The following NRBP1 variants were observed in gnomAD, a reference collection of about 807,000 sequenced individuals.
NRBP1 encodes nuclear receptor binding protein 1.
A neutral mutation model predicts 76.0 loss-of-function variants in NRBP1; 10 were observed. That is an observed-to-expected ratio of 0.13 (90% CI 0.08 to 0.22). The LOEUF (loss-of-function observed/expected upper bound fraction) is 0.22. Ranked by LOEUF, NRBP1 falls within the 10% of genes least tolerant of loss-of-function variation. The pLI, the probability that NRBP1 is intolerant of heterozygous loss-of-function variation, is 1.00. For synonymous variants in NRBP1, 235 were observed against 240.2 expected, an observed-to-expected ratio of 0.98 and a Z score of 0.20; for missense variants, 344 against 646.0, an observed-to-expected ratio of 0.53 and a Z score of 5.07.
chr2:27,433,492 A>T lies in NRBP1; in HGVS notation c.210+9A>T. On this transcript the variant is annotated intron_variant, in intron 2 of 17. Coordinates refer to ENST00000379852, the MANE Select transcript of NRBP1 (RefSeq NM_013392.4). Reference sequence around the variant, plus strand: ...AGAAGAGGCGAGAAGAGGTAAGGTTATGGTACAGTTACTCTTGGGTGAGTG... The same window carrying T: ...AGAAGAGGCGAGAAGAGGTAAGGTTTTGGTACAGTTACTCTTGGGTGAGTG... 3 of 1,613,600 alleles carry T rather than the reference A, an allele frequency of 1.9e-6. No homozygotes were observed. Among genetic ancestry groups the T allele is most frequent in the Non-Finnish European group, 2.5e-6 (3 of 1,179,764 alleles).
rs540414465 is a variant in NRBP1, at chr2:27,433,248, G to C, written c.-20-6G>C. 3 of 1,597,752 alleles carry C rather than the reference G, an allele frequency of 1.9e-6. No individual in the cohort carries two copies. The highest frequency in any genetic ancestry group is 1.1e-5 in the South Asian group (1 of 90,708). The stretch of plus-strand genomic sequence containing the variant: ...TTTCCCTCTGTATTTGCCCCAACCA[G>C]TGCAGGCCTGAGTGTTCCTTCCAGC... On this transcript the variant is annotated splice_region_variant and splice_polypyrimidine_tract_variant and intron_variant, in intron 1 of 17. Transcript: ENST00000379852.
chr2:27,428,432 G>C (rs1451376828), upstream of NRBP1: 9 of 384,524 alleles, frequency 2.3e-5, no homozygotes, highest in Non-Finnish European at 3.2e-5. Flanking sequence ...ACGAGCCCCA[G>C]CTGGGACCGA....
chr2:27,433,341 C>T lies in NRBP1; in HGVS notation c.68C>T (p.Ser23Leu), dbSNP rs529123835. The change falls in exon 2 of 18, where the codon TCA (serine) becomes TTA (leucine). Residue 23 changes from serine to leucine, a missense_variant. By Grantham distance (145) the Ser-to-Leu change is moderately radical. Around this residue, in one of 3 missense-constraint regions of NRBP1, gnomAD observed 53 missense variants for 48.4 expected, o/e 1.09. Transcript: ENST00000379852. ...GSDPKVESSS[S>L]APGLTSVSPP... ...GACCCAAAGGTAGAATCCTCATCTT[C>T]AGCTCCTGGCCTGACATCAGTGTCA... 5 of 1,614,264 alleles carry T rather than the reference C, an allele frequency of 3.1e-6. No homozygotes were observed. Among genetic ancestry groups the T allele is most frequent in the East Asian group, 2.2e-5 (1 of 44,892 alleles).
chr2:27,440,874 A>T lies in NRBP1; in HGVS notation c.1263A>T (p.Thr421=). 3 of 1,614,098 alleles carry T rather than the reference A, an allele frequency of 1.9e-6. No homozygotes were observed. Among genetic ancestry groups the T allele is most frequent in the Non-Finnish European group, 2.5e-6 (3 of 1,180,034 alleles). Residue 421 remains threonine, a synonymous_variant, in exon 14 of 18, where the codon ACA becomes ACT. Transcript: ENST00000379852. ...RPQQPQQEEV[T]SPVVPPSVKT... is the part of the protein sequence containing the mutation. ...AGCAGCCACAGCAGGAGGAGGTGAC[A>T]TCACCTGTCGTGCCCCCCTCTGTCA... is the stretch of plus-strand genomic sequence containing the variant.
At position 27,436,805 on chromosome 2, in the gene NRBP1, G is replaced by A. The variant is rs892285147; in HGVS notation, c.714G>A (p.Lys238=). 4 of 1,613,196 alleles carry A rather than the reference G, an allele frequency of 2.5e-6. No homozygotes were observed. The African/African-American group carries it at 4.0e-5, about 16-fold the overall frequency. ...TGAAGACTTGTCGAGAAGAGCAGAA[G>A]AATCTACACTTCTTTGCACCAGAGT... ...NHVKTCREEQ[K]NLHFFAPEYG... Residue 238 remains lysine (K), a synonymous_variant, in exon 8 of 18, where the codon AAG becomes AAA. Transcript: ENST00000379852.
intron 10 of NRBP1, among the ~76,000 whole-genome samples, chr2:27,438,864 T>C (rs895097925): frequency 1.3e-5 from 2 of 151,928 alleles, no homozygotes; most frequent in African/African-American, 4.8e-5. Context: ...GAAGCTGAAG[T>C]GGGAGGATTG....
At chr2:27,433,967 C>G in intron 3 of NRBP1, 22 bp from the exon 4 acceptor site, 1 of 1,604,892 alleles carries the variant, frequency 6.2e-7, no homozygotes. Context: ...CTCTGTTATT[C>G]CACTGTCTCC....
chr2:27,433,575 C>T, intron 2 of NRBP1, 92 bp downstream of exon 2: 5 of 1,597,806 alleles, frequency 3.1e-6, no homozygotes, highest in Non-Finnish European at 4.3e-6. Context: ...AACCAAACTT[C>T]AATAGGTTGG....
chr2:27,439,730 CA>C (rs760321616), intron 10 of NRBP1, 35 bp from the exon 11 acceptor site: 1 of 1,612,504 alleles, frequency 6.2e-7, no homozygotes, highest in Admixed American at 1.7e-5. Flanking sequence ...GGGGGCTTGC[CA>C]GATGCCTGCT....
chr2:27,432,296 C>T (rs1383234445), intron 1 of NRBP1, among the ~76,000 whole-genome samples: 3 of 152,196 alleles, frequency 2.0e-5, no homozygotes, highest in Admixed American at 6.5e-5. Flanking sequence ...ATTAGACTGC[C>T]ATAAATCTTG....
rs1558341399 is a variant in NRBP1, at chr2:27,441,607, G to A, written c.1488G>A (p.Leu496=). The A allele has an allele frequency of 5.6e-6, 9 of 1,613,940 alleles. 1 individual carries two copies. The South Asian group carries it at 9.9e-5, about 18-fold the overall frequency. ...AGTTGGCGGCTGAGCTGGTGCAGCT[G>A]GGCTTCATTAGTGAGGTGAGGTTTC... ...IPELAAELVQ[L]GFISEADQSR... Residue 496 remains leucine, a synonymous_variant, in exon 17 of 18, where the codon CTG becomes CTA. Coordinates refer to ENST00000379852, the MANE Select transcript of NRBP1 (RefSeq NM_013392.4).
At chr2:27,431,057 T>G (rs1664093523) in intron 1 of NRBP1, among the ~76,000 whole-genome samples, 1 of 152,194 alleles carries the variant, frequency 6.6e-6, no homozygotes. Context: ...TCCCAGCACT[T>G]TGGGAGGCTG....
intron 8 of NRBP1, 45 bp downstream of exon 8, chr2:27,436,881 T>C (rs766937923): frequency 1.9e-6 from 3 of 1,564,662 alleles, no homozygotes; most frequent in Non-Finnish European, 2.6e-6. Context: ...CCCCCTGCTT[T>C]TGCACCTTAT....
chr2:27,435,790 C>T (rs1664284106), intron 7 of NRBP1: 1 of 717,576 alleles, frequency 1.4e-6, no homozygotes, highest in Non-Finnish European at 2.6e-6. Flanking sequence ...TTTGTGCTCC[C>T]TCTGCTCCCT....
Position 27,439,918 on chromosome 2 carries a change from T to C in NRBP1, c.1036+20T>C. The C allele has an allele frequency of 6.3e-7, 1 of 1,588,630 alleles. No individual in the cohort carries two copies. The highest frequency in any genetic ancestry group is 8.6e-7 in the Non-Finnish European group (1 of 1,165,502). On this transcript the variant is annotated intron_variant, in intron 11 of 17. Coordinates refer to ENST00000379852, the MANE Select transcript of NRBP1 (RefSeq NM_013392.4). ...ACCAACGTGAGTCGTCTTGGCCCTA[T>C]GGGGAATAGTCTTCCAATCTGGAGC...
At chr2:27,437,204 T>G (rs926343369) in intron 9 of NRBP1, 58 bp from the exon 10 acceptor site, 3 of 1,574,242 alleles carry the variant, frequency 1.9e-6, no homozygotes, top group Admixed American at 1.7e-5. Context: ...AGGGAGTGAT[T>G]GTGGGAGCAC....
chr2:27,441,853 C>T lies in NRBP1; in HGVS notation c.*41C>T. The T allele has an allele frequency of 8.0e-7, 1 of 1,251,520 alleles. No individual in the cohort carries two copies. Among genetic ancestry groups the T allele is most frequent in the Non-Finnish European group, 1.2e-6 (1 of 863,052 alleles). The allele number at this position is 1,251,520 out of a possible 1,614,324, so 77.5% of individuals were successfully genotyped here. A position where few individuals can be genotyped will look rare whatever the true frequency, so the allele number is the denominator to read the frequency against. ...GGCCCTGATCTGCGCTGTGGCTGTC[C>T]CTGGACGTGCTGCAGCCCTCCTGTC... On this transcript the variant is annotated 3_prime_UTR_variant, in exon 18 of 18. Coordinates refer to ENST00000379852, the MANE Select transcript of NRBP1 (RefSeq NM_013392.4).
intron 14 of NRBP1, 77 bp downstream of exon 14, chr2:27,441,017 C>T: frequency 6.2e-7 from 1 of 1,608,894 alleles, no homozygotes; most frequent in Non-Finnish European, 8.5e-7. Flanking sequence ...AAGGCTCTAT[C>T]CTTTAGAGAA....
rs1365863870 is a variant in NRBP1 at position 27,442,042 on chromosome 2, C to T, written c.*230C>T. 1.9e-6 allele frequency: 1 copy of T among 539,390 alleles called. No individual in the cohort carries two copies. Among genetic ancestry groups the T allele is most frequent in the Non-Finnish European group, 3.2e-6 (1 of 308,576 alleles). The allele number at this position is 539,390 out of a possible 1,614,324, so 33.4% of individuals were successfully genotyped here. A position where few individuals can be genotyped will look rare whatever the true frequency, so the allele number is the denominator to read the frequency against. ...TTGCACAGACGTGGGCCTGGGCCTT[C>T]TCAGCAGCCGCCTTCTAGTTGGGGG... On this transcript the variant is annotated 3_prime_UTR_variant, in exon 18 of 18. Transcript: ENST00000379852.
Sources: gnomAD v4.1 joint callset for allele counts (sites outside exome capture counted in the v4.1 genomes callset) on GRCh38, gnomAD v4.1.1 for gene constraint, gnomAD v4.1.1 regional missense constraint, MANE v1.5 for transcripts, NCBI Gene and HGNC (gene_info 2026-07-23, HGNC 2026-07-21) for gene names.